Variants in FAT3 observed in about 807,000 individuals in gnomAD.
FAT3 encodes protocadherin Fat 3.
FAT3 carries 95 observed loss-of-function variants against 310.2 expected under a neutral mutation model. The ratio of observed to expected loss-of-function variants is 0.31; its 90% CI spans 0.26 to 0.36. The LOEUF is 0.36. Among genes scored for constraint, FAT3 ranks in the 10% least tolerant of loss-of-function variants. The pLI, the probability that FAT3 is intolerant of heterozygous loss-of-function variation, is 1.00. For synonymous variants in FAT3, 2,314 were observed against 2,192.9 expected, an observed-to-expected ratio of 1.06 and a Z score of -1.54; for missense variants, 5,408 against 5,715.6, an observed-to-expected ratio of 0.95 and a Z score of 1.74.
chr11:92,397,238 G>A (rs550777544), intron 2 of FAT3, among the ~76,000 whole-genome samples: 1 of 152,112 alleles, frequency 6.6e-6, no homozygotes, highest in Admixed American at 6.6e-5. Flanking sequence ...GATTTTTGGG[G>A]GGAGTTGGGC....
intron 3 of FAT3, among the ~76,000 whole-genome samples, chr11:92,594,007 AC>A (rs759097525): frequency 2.6e-5 from 4 of 151,940 alleles, no homozygotes; most frequent in Non-Finnish European, 5.9e-5. Flanking sequence ...CTTCTCCCTG[AC>A]CCTCCTTTTT....
chr11:92,601,442 A>G (rs1940020612), intron 3 of FAT3, among the ~76,000 whole-genome samples: 1 of 152,166 alleles, frequency 6.6e-6, no homozygotes, highest in Non-Finnish European at 1.5e-5. Context: ...TAAAAGTACA[A>G]AAATTAGCTG....
At chr11:92,653,830 A>G (rs1044559497) in intron 3 of FAT3, among the ~76,000 whole-genome samples, 1 of 152,156 alleles carries the variant, frequency 6.6e-6, no homozygotes, top group Non-Finnish European at 1.5e-5. Context: ...ATTTTTCACT[A>G]GAATAGATTA....
intron 2 of FAT3, among the ~76,000 whole-genome samples, chr11:92,469,084 A>G (rs1222509673): frequency 6.6e-6 from 1 of 152,198 alleles, no homozygotes; most frequent in Non-Finnish European, 1.5e-5. Flanking sequence ...TGTGAGGGTC[A>G]TAACTTAACG....
intron 3 of FAT3, among the ~76,000 whole-genome samples, chr11:92,623,375 A>C (rs1035482612): frequency 1.3e-5 from 2 of 152,192 alleles, no homozygotes; most frequent in Non-Finnish European, 2.9e-5. Flanking sequence ...TGTTCAACAC[A>C]TAGCAGTACT....
At chr11:92,306,621 ATAT>A (rs1200777646) in intron 1 of FAT3, among the ~76,000 whole-genome samples, 1 of 124,486 alleles carries the variant, frequency 8.0e-6, no homozygotes, top group African/African-American at 3.1e-5. Flanking sequence ...TTATATATTT[ATAT>A]TATATTTATA....
intron 1 of FAT3, chr11:92,335,949 G>T (rs879446302): frequency 8.5e-6 from 3 of 351,960 alleles, no homozygotes; most frequent in Admixed American, 7.8e-5. Context: ...TTTTTTTTCA[G>T]ACTTTCAGCC....
intron 3 of FAT3, among the ~76,000 whole-genome samples, chr11:92,599,494 C>G (rs1939901386): frequency 6.6e-6 from 1 of 152,156 alleles, no homozygotes; most frequent in Non-Finnish European, 1.5e-5. Flanking sequence ...GGCAGAGACA[C>G]AGCCAAACCA....
intron 3 of FAT3, among the ~76,000 whole-genome samples, chr11:92,669,598 A>G (rs1348868167): frequency 6.6e-6 from 1 of 152,048 alleles, no homozygotes; most frequent in Non-Finnish European, 1.5e-5. Context: ...CTTTGTTCTG[A>G]CCCCATATGA....
intron 1 of FAT3, among the ~76,000 whole-genome samples, chr11:92,230,345 G>T (rs1056161505): frequency 3.3e-5 from 5 of 152,096 alleles, no homozygotes; most frequent in Non-Finnish European, 5.9e-5. Flanking sequence ...CCAGGCTGGA[G>T]TGCAGTGGCG....
intron 2 of FAT3, among the ~76,000 whole-genome samples, chr11:92,445,109 A>G (rs1951178977): frequency 6.6e-6 from 1 of 152,194 alleles, no homozygotes; most frequent in Non-Finnish European, 1.5e-5. Flanking sequence ...TGCTGACCTG[A>G]CACTGTGATC....
At chr11:92,726,752 A>G (rs577626456) in intron 4 of FAT3, among the ~76,000 whole-genome samples, 23 of 151,632 alleles carry the variant, frequency 1.5e-4, no homozygotes, top group African/African-American at 5.3e-4. Flanking sequence ...TATGTCAGCT[A>G]ATTTGTTATT....
chr11:92,351,998 A>C, intron 1 of FAT3, 98 bp from the exon 2 acceptor site: 1 of 768,760 alleles, frequency 1.3e-6, no homozygotes, highest in Non-Finnish European at 1.6e-6. Context: ...TTTGTGATAA[A>C]GTTTTAAAAA....
intron 21 of FAT3, among the ~76,000 whole-genome samples, chr11:92,866,228 A>G (rs1386991318): frequency 2.6e-5 from 4 of 152,160 alleles, no homozygotes; most frequent in African/African-American, 4.8e-5. Flanking sequence ...TGATTATTTG[A>G]TTAATGGCCA....
At chr11:92,366,555 A>G (rs540462558) in intron 2 of FAT3, 63 of 505,418 alleles carry the variant, frequency 1.2e-4, no homozygotes, top group South Asian at 9.1e-4. Context: ...ATCATCCCCC[A>G]AGAACTGCAT....
At chr11:92,336,370 C>T (rs1948082158) in intron 1 of FAT3, 2 of 372,380 alleles carry the variant, frequency 5.4e-6, no homozygotes, top group South Asian at 2.2e-5. Flanking sequence ...TTTCCCACCA[C>T]AGCAGACAGG....
intron 3 of FAT3, among the ~76,000 whole-genome samples, chr11:92,660,980 A>T (rs971352223): frequency 3.9e-5 from 6 of 152,246 alleles, no homozygotes; most frequent in African/African-American, 1.4e-4. Context: ...GTGAAAGTTA[A>T]TCATTGAAAA....
At chr11:92,503,190 C>T (rs1282596558) in intron 2 of FAT3, among the ~76,000 whole-genome samples, 2 of 152,032 alleles carry the variant, frequency 1.3e-5, no homozygotes, top group African/African-American at 4.8e-5. Flanking sequence ...AAATTTCCAT[C>T]GACTTTGCTT....
intron 3 of FAT3, among the ~76,000 whole-genome samples, chr11:92,542,425 C>T (rs953600964): frequency 2.6e-5 from 4 of 151,586 alleles, no homozygotes; most frequent in African/African-American, 7.3e-5. Flanking sequence ...TATTTGTAAG[C>T]TATGCATCTA....
Sources: allele counts gnomAD v4.1 joint callset (sites outside exome capture counted in the v4.1 genomes callset), GRCh38; gene constraint gnomAD v4.1.1; transcripts MANE v1.5; gene names NCBI Gene and HGNC (gene_info 2026-07-23, HGNC 2026-07-21).